RARB: variants seen among roughly 807,000 people sequenced by gnomAD.
The protein encoded by RARB is HBV-activated protein.
In RARB, 17 loss-of-function variants were observed where a neutral mutation model predicts 51.9. The observed-to-expected ratio is 0.33, with a 90% CI of 0.22 to 0.49. The LOEUF (loss-of-function observed/expected upper bound fraction) is 0.49, where lower values mean the gene tolerates loss of function less well. RARB is among the 20% of genes least tolerant of loss of function. RARB has a pLI of 0.99. For synonymous variants in RARB, 215 were observed against 195.4 expected (o/e 1.10, Z -0.84); for missense variants, 369 against 550.8 (o/e 0.67, Z 3.30).
intron 5 of RARB, among the ~76,000 whole-genome samples, chr3:25,237,166 G>T (rs1253616688): frequency 6.6e-6 from 1 of 151,972 alleles, no homozygotes; most frequent in Non-Finnish European, 1.5e-5. Context: ...TCTCAAAACA[G>T]AGGAATTCCA....
intron 5 of RARB, among the ~76,000 whole-genome samples, chr3:25,394,044 C>A (rs1298788089): frequency 6.6e-6 from 1 of 152,018 alleles, no homozygotes; most frequent in African/African-American, 2.4e-5. Flanking sequence ...GTGTTTAATG[C>A]TGTGACCTTT....
At chr3:25,208,459 T>A (rs150375221) in intron 5 of RARB, among the ~76,000 whole-genome samples, 4 of 152,312 alleles carry the variant, frequency 2.6e-5, no homozygotes, top group Non-Finnish European at 4.4e-5. Context: ...GCTCTAATTT[T>A]GCGTTTCTTT....
chr3:25,179,254 A>G (rs1700816463), intron 5 of RARB, among the ~76,000 whole-genome samples: 1 of 152,170 alleles, frequency 6.6e-6, no homozygotes, highest in African/African-American at 2.4e-5. Flanking sequence ...GATCGATTGA[A>G]TTTCCTTATT....
chr3:25,443,824 G>A (rs1033586695), intron 1 of RARB, among the ~76,000 whole-genome samples: 1 of 150,914 alleles, frequency 6.6e-6, no homozygotes, highest in African/African-American at 2.4e-5. Flanking sequence ...CCAGCTACTC[G>A]GGAGGCTGAG....
intron 3 of RARB, among the ~76,000 whole-genome samples, chr3:25,109,502 AAC>A (rs1207511099): frequency 6.6e-6 from 1 of 152,190 alleles, no homozygotes; most frequent in Admixed American, 6.5e-5. Flanking sequence ...TGTTTTTTTA[AAC>A]AGTCTCCTGA....
intron 3 of RARB, among the ~76,000 whole-genome samples, chr3:25,072,818 C>CCTGCCT (rs1332154297): frequency 6.6e-6 from 1 of 151,996 alleles, no homozygotes; most frequent in Non-Finnish European, 1.5e-5. Flanking sequence ...ACGCCATTCT[C>CCTGCCT]CTGCCTCAGC....
intron 2 of RARB, among the ~76,000 whole-genome samples, chr3:25,048,392 T>A (rs919572801): frequency 6.6e-6 from 1 of 152,216 alleles, no homozygotes; most frequent in Admixed American, 6.5e-5. Context: ...ATATATGATA[T>A]CTTAATTAAG....
intron 3 of RARB, among the ~76,000 whole-genome samples, chr3:25,068,757 A>G (rs1264420967): frequency 1.3e-5 from 2 of 152,176 alleles, no homozygotes; most frequent in African/African-American, 4.8e-5. Context: ...AGCACCATCT[A>G]TAATGGAGGC....
intron 3 of RARB, among the ~76,000 whole-genome samples, chr3:25,084,086 G>A (rs1026456627): frequency 6.6e-6 from 1 of 152,152 alleles, no homozygotes; most frequent in Admixed American, 6.5e-5. Flanking sequence ...TAATGACTCA[G>A]TAAGACCCCT....
intron 3 of RARB, among the ~76,000 whole-genome samples, chr3:25,106,266 T>TTAGAAATTTGCTGTTG (rs1354255090): frequency 8.7e-4 from 22 of 25,320 alleles, no homozygotes; most frequent in African/African-American, 3.8e-3. Context: ...AATGCATGTT[T>TTAGAAATTTGCTGTTG]CATACAAGTA....
intron 1 of RARB, among the ~76,000 whole-genome samples, chr3:25,436,993 G>T (rs1413156450): frequency 6.6e-6 from 1 of 152,138 alleles, no homozygotes; most frequent in African/African-American, 2.4e-5. Context: ...TCTGTAGAAG[G>T]ATTAGAGATC....
At chr3:25,126,867 G>T (rs994823353) in intron 3 of RARB, among the ~76,000 whole-genome samples, 6 of 152,104 alleles carry the variant, frequency 3.9e-5, no homozygotes, top group African/African-American at 1.4e-4. Context: ...AGTCCCAAGG[G>T]CAACTAAAAG....
At chr3:25,595,073 T>G (rs1291048026) in intron 7 of RARB, among the ~76,000 whole-genome samples, 1 of 152,222 alleles carries the variant, frequency 6.6e-6, no homozygotes, top group Non-Finnish European at 1.5e-5. Context: ...CTCAATCACT[T>G]TAGCCATTGC....
intron 2 of RARB, among the ~76,000 whole-genome samples, chr3:24,875,940 T>C (rs989804726): frequency 6.6e-6 from 1 of 152,142 alleles, no homozygotes; most frequent in Non-Finnish European, 1.5e-5. Flanking sequence ...TGAAAAGTAA[T>C]AGTTGCTTCT....
chr3:25,533,810 G>A (rs745516960), intron 3 of RARB, among the ~76,000 whole-genome samples: 17 of 152,186 alleles, frequency 1.1e-4, no homozygotes, highest in Non-Finnish European at 2.1e-4. Context: ...TTATGTAATT[G>A]AAAGCATGAT....
chr3:24,895,118 C>A (rs1269333213), intron 2 of RARB, among the ~76,000 whole-genome samples: 1 of 152,098 alleles, frequency 6.6e-6, no homozygotes, highest in African/African-American at 2.4e-5. Flanking sequence ...AGGTGATATG[C>A]TAAGTTTTCA....
At chr3:25,024,349 TTTCTG>T in intron 2 of RARB, among the ~76,000 whole-genome samples, 1 of 152,164 alleles carries the variant, frequency 6.6e-6, no homozygotes, top group Non-Finnish European at 1.5e-5. Context: ...TTAGAAACTA[TTTCTG>T]AGTGTGAATT....
At chr3:25,030,361 T>C (rs967956319) in intron 2 of RARB, among the ~76,000 whole-genome samples, 1 of 152,224 alleles carries the variant, frequency 6.6e-6, no homozygotes, top group Non-Finnish European at 1.5e-5. Context: ...AGGTTGGAAA[T>C]GTAAATCTGG....
intron 2 of RARB, among the ~76,000 whole-genome samples, chr3:25,042,606 T>C (rs145449574): frequency 7.2e-5 from 11 of 152,316 alleles, no homozygotes; most frequent in African/African-American, 2.6e-4. Context: ...GACAGCTTGA[T>C]ATGGAAATGT....
Sources: allele counts gnomAD v4.1 joint callset (sites outside exome capture counted in the v4.1 genomes callset), GRCh38; gene constraint gnomAD v4.1.1; transcripts MANE v1.5; gene names NCBI Gene and HGNC (gene_info 2026-07-23, HGNC 2026-07-21).